The following PYROXD2 variants were observed in gnomAD, a reference collection of about 807,000 sequenced individuals.
The protein encoded by PYROXD2 is pyridine nucleotide-disulfide oxidoreductase domain-containing protein 2.
In PYROXD2, 69 loss-of-function variants were observed where a neutral mutation model predicts 71.1. The ratio of observed to expected loss-of-function variants is 0.97; its 90% CI spans 0.80 to 1.19. PYROXD2 has a LOEUF of 1.19. Ranked by LOEUF, PYROXD2 falls within the 50% of genes most tolerant of loss-of-function variation. The probability of loss-of-function intolerance (pLI) is 0.00; values close to 1 mark genes in which losing one functional copy is unlikely to be tolerated. For synonymous variants in PYROXD2, 287 were observed against 302.7 expected, an observed-to-expected ratio of 0.95 and a Z score of 0.54; for missense variants, 745 against 748.9, an observed-to-expected ratio of 0.99 and a Z score of 0.06.
chr10:98,383,936 G>T, intron 15 of PYROXD2, 68 bp from the exon 16 acceptor site: 1 of 1,394,538 alleles, frequency 7.2e-7, no homozygotes, highest in Non-Finnish European at 1.0e-6. Context: ...TGGGGACAGG[G>T]CTTACAGAGA....
rs1590943562 is a variant in PYROXD2 at position 98,393,066 on chromosome 10, T to C, written c.803A>G (p.His268Arg). ...TPGSGYVLLH[H>R]VMGGLEGMQG... ...CATTCCCTCCAGGCCCCCCATCACA[T>C]GGTGCAGCAGCACATACCTGTGGAC... Residue 268 changes from histidine (H) to arginine (R), a missense_variant, in exon 9 of 16, where the codon CAT becomes CGT. Physicochemically the swap from His to Arg is conservative, Grantham distance 29. Coordinates refer to ENST00000370575, the MANE Select transcript of PYROXD2 (RefSeq NM_032709.3). 3.1e-6 allele frequency: 5 copies of C among 1,588,934 alleles called. No individual in the cohort carries two copies.
chr10:98,397,445 A>C lies in PYROXD2; in HGVS notation c.525T>G (p.Pro175=). ...FMHRLALAID[P]LLDAAPVDMA... Reference sequence around the variant, plus strand: ...TGTCCACGGGGGCCGCATCCAGCAGAGGGTCAATGGCTAATGCCAAGCGAT... The same window carrying C: ...TGTCCACGGGGGCCGCATCCAGCAGCGGGTCAATGGCTAATGCCAAGCGAT... The change falls in exon 6 of 16, where the codon CCT becomes CCG. Residue 175 remains proline (P), a synonymous_variant. Coordinates refer to ENST00000370575, the MANE Select transcript of PYROXD2 (RefSeq NM_032709.3). 6.2e-7 allele frequency: 1 copy of C among 1,613,488 alleles called. No individual in the cohort carries two copies. The highest frequency in any genetic ancestry group is 8.5e-7 in the Non-Finnish European group (1 of 1,179,612).
intron 1 of PYROXD2, among the ~76,000 whole-genome samples, chr10:98,413,309 G>A (rs1425937217): frequency 6.6e-6 from 1 of 152,216 alleles, no homozygotes; most frequent in Non-Finnish European, 1.5e-5. Context: ...TAATAATGCA[G>A]ATTAAACCTA....
chr10:98,395,522 G>T, intron 6 of PYROXD2, 70 bp from the exon 7 acceptor site: 1 of 1,384,048 alleles, frequency 7.2e-7, no homozygotes, highest in South Asian at 1.2e-5. Flanking sequence ...TGGCCTGGGG[G>T]ATAAAAGCAT....
At chr10:98,412,493 C>T (rs1423398528) in intron 1 of PYROXD2, among the ~76,000 whole-genome samples, 1 of 152,188 alleles carries the variant, frequency 6.6e-6, no homozygotes, top group African/African-American at 2.4e-5. Context: ...CTCTGGGAGA[C>T]ACCTCCCGCC....
At chr10:98,412,646 C>T (rs1196225042) in intron 1 of PYROXD2, among the ~76,000 whole-genome samples, 2 of 152,216 alleles carry the variant, frequency 1.3e-5, no homozygotes, top group East Asian at 1.9e-4. Context: ...CCTTCAGGGA[C>T]TCAGAGGTAA....
intron 4 of PYROXD2, among the ~76,000 whole-genome samples, chr10:98,405,908 C>T (rs1329988824): frequency 6.6e-6 from 1 of 152,198 alleles, no homozygotes; most frequent in Non-Finnish European, 1.5e-5. Context: ...TATAACATGG[C>T]TCTTGACTTA....
intron 1 of PYROXD2, among the ~76,000 whole-genome samples, chr10:98,412,267 C>G (rs1433963909): frequency 6.6e-6 from 1 of 152,230 alleles, no homozygotes; most frequent in Non-Finnish European, 1.5e-5. Flanking sequence ...GCACAAGACC[C>G]CCTCCCAGTG....
chr10:98,414,829 G>T (rs1843937678), intron 1 of PYROXD2, 180 bp downstream of exon 1: 2 of 879,740 alleles, frequency 2.3e-6, no homozygotes, highest in Non-Finnish European at 3.3e-6. Context: ...AATCCCAGGT[G>T]CCTGCCTGCC....
At position 98,401,266 on chromosome 10, in the gene PYROXD2, AC is replaced by A. The variant is rs1333594749; in HGVS notation, c.316-1010del. Among the ~76,000 whole-genome samples, 229 of 146,478 alleles carry A rather than the reference AC, an allele frequency of 1.6e-3. 5 individuals carry two copies. The highest frequency in any genetic ancestry group is 5.5e-3 in the African/African-American group (212 of 38,402). Reference sequence around the variant, plus strand: ...AAGACTCTGTCTCAAAAAAAAAAAAACAAAAAAAAACAAACATAGAAAAGGT... The same window carrying A: ...AAGACTCTGTCTCAAAAAAAAAAAAAAAAAAAAAACAAACATAGAAAAGGT... On this transcript the variant is annotated intron_variant, in intron 4 of 15. Transcript: ENST00000370575.
intron 4 of PYROXD2, 148 bp downstream of exon 4, chr10:98,407,434 A>G: frequency 1.2e-6 from 1 of 863,886 alleles, no homozygotes; most frequent in Admixed American, 2.3e-5. Flanking sequence ...CAGCAGGGAG[A>G]CCACGTGGGA....
rs143700106 is a variant in PYROXD2, at chr10:98,395,216, A to T, written c.765T>A (p.Ser255Arg). ...CTCACCCACTCCCCGGAGTGTGGGG[A>T]CTTGTCATGGCTCCAATCACTGCAT... is the stretch of plus-strand genomic sequence containing the variant. ...ATDAVIGAMT[S>R]PHTPGSGYVL... Residue 255 changes from serine to arginine, a missense_variant, in exon 8 of 16, where the codon AGT (serine) becomes AGA (arginine). Physicochemically the swap from Ser to Arg is moderately radical, Grantham distance 110. Coordinates refer to ENST00000370575, the MANE Select transcript of PYROXD2 (RefSeq NM_032709.3). The T allele has an allele frequency of 1.2e-6, 2 of 1,614,000 alleles. No homozygotes were observed. The highest frequency in any genetic ancestry group is 2.7e-5 in the African/African-American group (2 of 74,972).
chr10:98,386,985 G>A (rs138808110), intron 14 of PYROXD2, among the ~76,000 whole-genome samples: 148 of 152,280 alleles, frequency 9.7e-4, no homozygotes, highest in African/African-American at 3.4e-3. Flanking sequence ...CTCAGTGGGG[G>A]CTGTCCTGCC....
At chr10:98,400,059 C>A in intron 5 of PYROXD2, 43 bp downstream of exon 5, 1 of 1,599,708 alleles carries the variant, frequency 6.3e-7, no homozygotes, top group East Asian at 2.2e-5. Flanking sequence ...CATCTCTAGG[C>A]TGCTGAGGGA....
At chr10:98,399,681 A>G (rs1843321885) in intron 5 of PYROXD2, among the ~76,000 whole-genome samples, 1 of 152,206 alleles carries the variant, frequency 6.6e-6, no homozygotes, top group African/African-American at 2.4e-5. Context: ...CAGTTTATTT[A>G]TCCTTAATTT....
Position 98,392,204 on chromosome 10 carries a change from C to T in PYROXD2, c.1062+228G>A, listed in dbSNP as rs188022097. ...AGTCAGACCTGGGTTCTAGCTCTGG[C>T]TCTGCCAATGGCCGGAATCTTGGTC... is the stretch of plus-strand genomic sequence containing the variant. On this transcript the variant is annotated intron_variant, in intron 10 of 15. Transcript: ENST00000370575. Among the ~76,000 whole-genome samples the T allele has an allele frequency of 1.2e-4, 18 of 152,316 alleles. No individual in the cohort carries two copies. The East Asian group carries it at 3.3e-3, about 28-fold the overall frequency.
chr10:98,412,249 G>A (rs1308649606), intron 1 of PYROXD2, among the ~76,000 whole-genome samples: 1 of 152,212 alleles, frequency 6.6e-6, no homozygotes, highest in Non-Finnish European at 1.5e-5. Context: ...TAAGGTCAAG[G>A]ATCCAAAGCA....
chr10:98,401,417 C>G (rs1843406046), intron 4 of PYROXD2, among the ~76,000 whole-genome samples: 1 of 152,102 alleles, frequency 6.6e-6, no homozygotes, highest in Non-Finnish European at 1.5e-5. Context: ...AGGCCCAGCA[C>G]ATTGCTGTAC....
chr10:98,396,636 T>C (rs958282174), intron 6 of PYROXD2, among the ~76,000 whole-genome samples: 1 of 152,170 alleles, frequency 6.6e-6, no homozygotes, highest in Non-Finnish European at 1.5e-5. Context: ...TCTTCCTGTA[T>C]GGGGGCAGCT....
Sources: gnomAD v4.1 joint callset for allele counts (sites outside exome capture counted in the v4.1 genomes callset) on GRCh38, gnomAD v4.1.1 for gene constraint, MANE v1.5 for transcripts, NCBI Gene and HGNC (gene_info 2026-07-23, HGNC 2026-07-21) for gene names.